The following ABLIM1 variants were observed in gnomAD, a reference collection of about 807,000 sequenced individuals.
ABLIM1 encodes the protein actin binding LIM protein 1.
In ABLIM1, 40 loss-of-function variants were observed where a neutral mutation model predicts 107.0. The observed-to-expected ratio is 0.37, with a 90% CI of 0.29 to 0.49. The LOEUF is 0.49. Among genes scored for constraint, ABLIM1 ranks in the 20% least tolerant of loss-of-function variants. ABLIM1 has a pLI of 0.97. For missense variants in ABLIM1, 857 were observed against 1,008.5 expected (o/e 0.85, Z 2.04); for synonymous variants, 357 against 357.3 (o/e 1.00, Z 0.01).
At chr10:114,701,167 G>T (rs1020688273) in intron 1 of ABLIM1, among the ~76,000 whole-genome samples, 3 of 152,114 alleles carry the variant, frequency 2.0e-5, no homozygotes, top group Non-Finnish European at 4.4e-5. Flanking sequence ...ATATGCAAAT[G>T]ACCATTATCC....
intron 20 of ABLIM1, 38 bp downstream of exon 20, chr10:114,440,044 C>T (rs768228187): frequency 5.6e-6 from 9 of 1,613,506 alleles, no homozygotes; most frequent in African/African-American, 2.7e-5. Flanking sequence ...GCTGTTCTAT[C>T]GGTGTGGCCA....
At chr10:114,603,993 G>A (rs2076235093) in intron 1 of ABLIM1, among the ~76,000 whole-genome samples, 1 of 150,780 alleles carries the variant, frequency 6.6e-6, no homozygotes, top group South Asian at 2.1e-4. Context: ...AAAAATATCT[G>A]CCTTAAGTCC....
At chr10:114,675,092 A>G (rs932919379) in intron 1 of ABLIM1, among the ~76,000 whole-genome samples, 3 of 152,104 alleles carry the variant, frequency 2.0e-5, no homozygotes, top group African/African-American at 7.2e-5. Flanking sequence ...CCTATGTCCC[A>G]GATGTTCCCT....
chr10:114,745,151 C>T (rs947016583), intron 1 of ABLIM1, among the ~76,000 whole-genome samples: 21 of 152,114 alleles, frequency 1.4e-4, no homozygotes, highest in Non-Finnish European at 2.8e-4. Context: ...ACTGCCCCAC[C>T]CTCTCCTCCA....
chr10:114,555,068 G>A (rs569928024), intron 4 of ABLIM1, among the ~76,000 whole-genome samples: 2 of 152,262 alleles, frequency 1.3e-5, no homozygotes, highest in East Asian at 1.9e-4. Context: ...TGATACCTGC[G>A]ATAATCTAAC....
intron 1 of ABLIM1, chr10:114,632,715 T>C (rs139410621): frequency 2.0e-4 from 202 of 985,412 alleles, no homozygotes; most frequent in East Asian, 6.8e-4. Context: ...GATTTATCCA[T>C]GTAGGGGGGA....
At chr10:114,563,684 C>T (rs997676688) in intron 4 of ABLIM1, among the ~76,000 whole-genome samples, 18 of 149,876 alleles carry the variant, frequency 1.2e-4, no homozygotes, top group African/African-American at 3.9e-4. Context: ...AAAATACACA[C>T]GCAAAAAAAA....
intron 4 of ABLIM1, among the ~76,000 whole-genome samples, chr10:114,563,342 G>A (rs537399139): frequency 2.2e-4 from 34 of 152,162 alleles, no homozygotes; most frequent in Admixed American, 3.9e-4. Flanking sequence ...TTCAATTTCC[G>A]GAACTTTTAT....
chr10:114,791,535 G>A, the ABLIM1 span, among the ~76,000 whole-genome samples: 1 of 152,000 alleles, frequency 6.6e-6, no homozygotes, highest in Admixed American at 6.6e-5. Flanking sequence ...CTACTCGGGA[G>A]GCTGAGGCAG....
Position 114,448,003 on chromosome 10 carries a change from T to G in ABLIM1, c.1612A>C (p.Ser538Arg). The change falls in exon 15 of 23, where the codon AGC (serine) becomes CGC (arginine). Residue 538 changes from serine to arginine, a missense_variant. By Grantham distance (110) the Ser-to-Arg change is moderately radical. Around this residue, in one of 5 missense-constraint regions of ABLIM1, gnomAD observed 103 missense variants for 101.0 expected, o/e 1.02. Transcript: ENST00000533213. The part of the protein sequence containing the change: ...YKQHAALAAQ[S>R]KSSEDIIKFS... ...TTGATGATATCTTCTGAGGACTTGCTCTGGGCTGCCAAGGCAGCTGCATCT... is the reference window on the plus strand; with the variant it reads ...TTGATGATATCTTCTGAGGACTTGCGCTGGGCTGCCAAGGCAGCTGCATCT... 1 of 1,614,190 alleles carries G rather than the reference T, an allele frequency of 6.2e-7. No homozygotes were observed. The highest frequency in any genetic ancestry group is 8.5e-7 in the Non-Finnish European group (1 of 1,180,022).
chr10:114,643,097 GA>G (rs1446014117), intron 1 of ABLIM1, among the ~76,000 whole-genome samples: 1 of 152,184 alleles, frequency 6.6e-6, no homozygotes, highest in Admixed American at 6.5e-5. Context: ...CCAATTAAGA[GA>G]TGAATTAAAA....
At chr10:114,698,675 A>G (rs1394837403) in intron 1 of ABLIM1, among the ~76,000 whole-genome samples, 1 of 152,182 alleles carries the variant, frequency 6.6e-6, no homozygotes, top group African/African-American at 2.4e-5. Flanking sequence ...ATCAGATACC[A>G]GTTCAGGTTA....
At chr10:114,785,548 G>A in the ABLIM1 span, among the ~76,000 whole-genome samples, 1 of 151,970 alleles carries the variant, frequency 6.6e-6, no homozygotes, top group Non-Finnish European at 1.5e-5. Context: ...ATGGGTAGGG[G>A]GGCATGGGTG....
chr10:114,557,783 A>C (rs1591184202), intron 4 of ABLIM1, among the ~76,000 whole-genome samples: 1 of 149,268 alleles, frequency 6.7e-6, no homozygotes, highest in Non-Finnish European at 1.5e-5. Context: ...AACAAGGCCC[A>C]AAAATAATTG....
intron 1 of ABLIM1, among the ~76,000 whole-genome samples, chr10:114,727,650 G>T (rs1240688941): frequency 2.0e-5 from 3 of 152,146 alleles, no homozygotes; most frequent in Non-Finnish European, 4.4e-5. Context: ...AATAAAATTG[G>T]CTATATTAAA....
intron 1 of ABLIM1, among the ~76,000 whole-genome samples, chr10:114,699,462 A>G (rs2081264606): frequency 6.6e-6 from 1 of 152,134 alleles, no homozygotes. Flanking sequence ...TAAAATATAT[A>G]AACCTTGACA....
At chr10:114,471,721 G>C (rs1452048729) in intron 10 of ABLIM1, among the ~76,000 whole-genome samples, 1 of 151,916 alleles carries the variant, frequency 6.6e-6, no homozygotes, top group African/African-American at 2.4e-5. Context: ...TATACATCTG[G>C]AATTGAGAAC....
intron 4 of ABLIM1, among the ~76,000 whole-genome samples, chr10:114,553,283 G>A (rs1356595551): frequency 6.6e-6 from 1 of 152,180 alleles, no homozygotes; most frequent in Non-Finnish European, 1.5e-5. Flanking sequence ...ATTTACAAAG[G>A]TAGTAATTTC....
At chr10:114,785,760 G>A in the ABLIM1 span, among the ~76,000 whole-genome samples, 1 of 152,100 alleles carries the variant, frequency 6.6e-6, no homozygotes, top group South Asian at 2.1e-4. Flanking sequence ...ACCGATTCTC[G>A]CTCTGTTGCC....
Sources: allele counts gnomAD v4.1 joint callset (sites outside exome capture counted in the v4.1 genomes callset), GRCh38; gene constraint gnomAD v4.1.1; regional missense constraint gnomAD v4.1.1; transcripts MANE v1.5; gene names NCBI Gene and HGNC (gene_info 2026-07-23, HGNC 2026-07-21).